Variants in ARB2A observed in about 807,000 individuals in gnomAD.
ARB2A encodes the protein ARB2 cotranscriptional regulator A.
the ARB2A span, chr5:93,958,820 A>G: frequency 6.9e-6 from 11 of 1,602,364 alleles, no homozygotes; most frequent in Non-Finnish European, 9.4e-6. Context: ...GCCACTGTCC[A>G]GATCTTCATT....
chr5:94,031,738 C>T, the ARB2A span, among the ~76,000 whole-genome samples: 1 of 152,322 alleles, frequency 6.6e-6, no homozygotes, highest in East Asian at 1.9e-4. Flanking sequence ...TTCTAGGCCA[C>T]CCTTTAAGTG....
the ARB2A span, among the ~76,000 whole-genome samples, chr5:94,087,183 TAAAG>T: frequency 6.6e-6 from 1 of 152,120 alleles, no homozygotes; most frequent in African/African-American, 2.4e-5. Flanking sequence ...AATAAGGATA[TAAAG>T]AAAGAAAATA....
At chr5:93,948,326 T>C in the ARB2A span, among the ~76,000 whole-genome samples, 1 of 152,272 alleles carries the variant, frequency 6.6e-6, no homozygotes, top group Admixed American at 6.5e-5. Flanking sequence ...GAGAAGTATC[T>C]GTTCATGTCC....
At chr5:93,689,697 CT>C in the ARB2A span, among the ~76,000 whole-genome samples, 181 of 146,138 alleles carry the variant, frequency 1.2e-3, no homozygotes, top group African/African-American at 1.7e-3. Flanking sequence ...TGTTTTCTCT[CT>C]TTTTTTTTTT....
chr5:93,694,316 A>G, the ARB2A span, among the ~76,000 whole-genome samples: 3 of 152,216 alleles, frequency 2.0e-5, no homozygotes, highest in Admixed American at 2.0e-4. Flanking sequence ...AATCCCCTTA[A>G]GCTGATAAGC....
At chr5:93,856,156 G>A in the ARB2A span, among the ~76,000 whole-genome samples, 2 of 152,164 alleles carry the variant, frequency 1.3e-5, no homozygotes, top group South Asian at 2.1e-4. Flanking sequence ...CAAGAGATCC[G>A]CTGTTAGTCT....
chr5:93,714,616 G>T, the ARB2A span, among the ~76,000 whole-genome samples: 1 of 152,096 alleles, frequency 6.6e-6, no homozygotes, highest in Non-Finnish European at 1.5e-5. Flanking sequence ...TCCACACAGG[G>T]TGATTGTTTC....
chr5:94,035,590 C>G, the ARB2A span, among the ~76,000 whole-genome samples: 7 of 152,058 alleles, frequency 4.6e-5, no homozygotes, highest in South Asian at 1.5e-3. Flanking sequence ...AAAGTAAGGA[C>G]CTGGAGCCAA....
chr5:93,989,530 C>T, the ARB2A span, among the ~76,000 whole-genome samples: 1 of 152,198 alleles, frequency 6.6e-6, no homozygotes, highest in African/African-American at 2.4e-5. Flanking sequence ...TGTTTAAGAG[C>T]CCCTGGCCTA....
chr5:93,741,746 G>A, the ARB2A span: 1 of 649,912 alleles, frequency 1.5e-6, no homozygotes, highest in South Asian at 2.4e-5. Context: ...CTAGGGTTAA[G>A]GGAGTGAGCC....
At chr5:93,854,289 G>A in the ARB2A span, among the ~76,000 whole-genome samples, 179 of 152,192 alleles carry the variant, frequency 1.2e-3, no homozygotes, top group African/African-American at 4.1e-3. Context: ...TATTTCTGTG[G>A]GATTGGTGGT....
the ARB2A span, among the ~76,000 whole-genome samples, chr5:93,689,128 T>TC: frequency 6.6e-6 from 1 of 152,214 alleles, no homozygotes; most frequent in African/African-American, 2.4e-5. Flanking sequence ...TACTCTATTC[T>TC]CCAGCAATAC....
chr5:93,744,210 G>C, the ARB2A span, among the ~76,000 whole-genome samples: 1 of 151,814 alleles, frequency 6.6e-6, no homozygotes, highest in Non-Finnish European at 1.5e-5. Context: ...GCCAAGGTGG[G>C]TGGATCATGA....
At chr5:93,944,848 C>A in the ARB2A span, among the ~76,000 whole-genome samples, 1 of 152,064 alleles carries the variant, frequency 6.6e-6, no homozygotes, top group African/African-American at 2.4e-5. Flanking sequence ...TAGGTACTGG[C>A]TTGACATTAC....
the ARB2A span, among the ~76,000 whole-genome samples, chr5:93,817,087 A>AACACAC: frequency 1.7e-3 from 251 of 144,344 alleles, no homozygotes; most frequent in African/African-American, 5.0e-3. Flanking sequence ...AATACACACA[A>AACACAC]ACACACACAC....
chr5:93,831,759 C>T, the ARB2A span, among the ~76,000 whole-genome samples: 1 of 152,174 alleles, frequency 6.6e-6, no homozygotes, highest in East Asian at 1.9e-4. Context: ...GTTTCTACTG[C>T]TTACAGAGAA....
the ARB2A span, among the ~76,000 whole-genome samples, chr5:93,840,552 T>C: frequency 6.6e-6 from 1 of 152,250 alleles, no homozygotes; most frequent in Admixed American, 6.5e-5. Flanking sequence ...CTTCCTCCTC[T>C]TCTATCACCC....
chr5:93,705,759 G>A, the ARB2A span, among the ~76,000 whole-genome samples: 1 of 151,940 alleles, frequency 6.6e-6, no homozygotes, highest in South Asian at 2.1e-4. Flanking sequence ...ATTGGTCAGA[G>A]AGCATAGAGT....
the ARB2A span, among the ~76,000 whole-genome samples, chr5:93,749,082 C>G: frequency 6.7e-6 from 1 of 149,182 alleles, no homozygotes; most frequent in African/African-American, 2.5e-5. Context: ...GTGTCACTTT[C>G]TCTGGGATAT....
Sources: allele counts gnomAD v4.1 joint callset (sites outside exome capture counted in the v4.1 genomes callset), GRCh38; gene constraint gnomAD v4.1.1; transcripts MANE v1.5; gene names NCBI Gene and HGNC (gene_info 2026-07-23, HGNC 2026-07-21).